Variants in SYT16 observed in about 807,000 individuals in gnomAD.
SYT16 encodes the protein synaptotagmin-16.
SYT16 carries 42 observed loss-of-function variants against 61.4 expected under a neutral mutation model. The observed-to-expected ratio is 0.68, with a 90% CI of 0.53 to 0.89. The LOEUF (loss-of-function observed/expected upper bound fraction) is 0.89, where lower values mean the gene tolerates loss of function less well. Among genes scored for constraint, SYT16 ranks in the 40% least tolerant of loss-of-function variants. SYT16 has a pLI of 0.00. For synonymous variants in SYT16, 314 were observed against 302.3 expected (o/e 1.04, Z -0.40); for missense variants, 804 against 807.3 (o/e 1.00, Z 0.05).
intron 3 of SYT16, among the ~76,000 whole-genome samples, chr14:62,001,731 G>C (rs2053025441): frequency 1.3e-5 from 2 of 152,028 alleles, no homozygotes; most frequent in African/African-American, 4.8e-5. Flanking sequence ...ACAAATATTA[G>C]ATTGGTATTA....
intron 1 of SYT16, among the ~76,000 whole-genome samples, chr14:61,899,829 C>T (rs547498091): frequency 6.6e-6 from 1 of 152,140 alleles, no homozygotes; most frequent in Admixed American, 6.5e-5. Flanking sequence ...GCTATGGTAC[C>T]GATGAGGGAA....
chr14:61,928,313 C>T (rs1024843522), intron 1 of SYT16, among the ~76,000 whole-genome samples: 2 of 152,244 alleles, frequency 1.3e-5, no homozygotes, highest in Non-Finnish European at 2.9e-5. Context: ...GGGGCACTTA[C>T]TTAAAGAAAG....
At chr14:61,952,618 A>G (rs1475043300) in intron 1 of SYT16, among the ~76,000 whole-genome samples, 3 of 152,212 alleles carry the variant, frequency 2.0e-5, no homozygotes, top group Admixed American at 6.5e-5. Context: ...TTCAACACAC[A>G]TATTTTATTA....
intron 2 of SYT16, among the ~76,000 whole-genome samples, chr14:61,978,250 C>G (rs1254174489): frequency 6.6e-6 from 1 of 152,128 alleles, no homozygotes; most frequent in Non-Finnish European, 1.5e-5. Context: ...AGGTGGAAGC[C>G]CAACTTGGCA....
chr14:61,988,217 G>T (rs1216518998), intron 2 of SYT16, among the ~76,000 whole-genome samples: 1 of 152,024 alleles, frequency 6.6e-6, no homozygotes, highest in Non-Finnish European at 1.5e-5. Context: ...CCTCATTTTG[G>T]TTGGGGTTTT....
chr14:62,086,162 G>A lies in SYT16; in HGVS notation c.1624+1777G>A, dbSNP rs368712121. 2.6e-5 allele frequency among the ~76,000 whole-genome samples: 4 copies of A among 152,222 alleles called. No homozygotes were observed. The South Asian group carries it at 6.2e-4, about 24-fold the overall frequency. On this transcript the variant is annotated intron_variant, in intron 7 of 7. Coordinates refer to ENST00000683842, the MANE Select transcript of SYT16 (RefSeq NM_001367656.1). ...CCAACAAACCAAGGTGTGAATTCAG[G>A]CTCTGCCACTTATTATAATAGTTGT...
intron 3 of SYT16, among the ~76,000 whole-genome samples, chr14:62,004,085 C>T (rs1401644008): frequency 6.6e-6 from 1 of 152,142 alleles, no homozygotes. Flanking sequence ...TCCATTTTCA[C>T]ACTGCTATAA....
rs151204545 is a variant in SYT16, at chr14:61,976,149, G to A, written c.-145+5838G>A. On this transcript the variant is annotated intron_variant, in intron 2 of 7. Transcript: ENST00000683842. ...ATGGTTTCCTTTGACTCCATGTCTC[G>A]CATCCAGGTCATGCTGATGCAAGAG... is the stretch of plus-strand genomic sequence containing the variant. Among the ~76,000 whole-genome samples, 792 of 152,264 alleles carry A rather than the reference G, an allele frequency of 5.2e-3. 26 individuals carry two copies. Among genetic ancestry groups the A allele is most frequent in the Admixed American group, 0.047 (727 of 15,306 alleles).
intron 1 of SYT16, among the ~76,000 whole-genome samples, chr14:61,889,821 G>C (rs984443812): frequency 6.6e-6 from 1 of 151,804 alleles, no homozygotes; most frequent in Non-Finnish European, 1.5e-5. Context: ...AAATTACCCA[G>C]CCTCAGCATT....
At position 62,106,729 on chromosome 14, in the gene SYT16, C is replaced by T. The variant is rs538940829; in HGVS notation, c.*6022C>T. 1 of 152,072 alleles carries T rather than the reference C, an allele frequency of 6.6e-6. No individual in the cohort carries two copies. The highest frequency in any genetic ancestry group is 6.5e-5 in the Admixed American group (1 of 15,274). 9.4% of individuals were successfully genotyped at this position (152,072 alleles called of 1,614,324 possible). A position where few individuals can be genotyped will look rare whatever the true frequency, so the allele number is the denominator to read the frequency against. On this transcript the variant is annotated 3_prime_UTR_variant, in exon 8 of 8. Transcript: ENST00000683842. ...TGCAGGCTCAGGGGGAGTTTCCTCTCCTATGGTGCTTTGACTGTTTTTGTT... is the reference window on the plus strand; with the variant it reads ...TGCAGGCTCAGGGGGAGTTTCCTCTTCTATGGTGCTTTGACTGTTTTTGTT...
intron 1 of SYT16, among the ~76,000 whole-genome samples, chr14:61,851,548 T>C (rs1594758199): frequency 6.6e-6 from 1 of 152,164 alleles, no homozygotes; most frequent in East Asian, 1.9e-4. Context: ...GCATCCCTTT[T>C]CCTCCACAAC....
At chr14:62,033,214 A>T (rs1195440698) in intron 3 of SYT16, among the ~76,000 whole-genome samples, 5 of 78,736 alleles carry the variant, frequency 6.4e-5, no homozygotes, top group Non-Finnish European at 1.2e-4. Context: ...GCTATTTTAT[A>T]AATCAAAATA....
chr14:62,000,099 A>ATTTTTTTTTTTTTTTTTTTTTTTTT, intron 3 of SYT16, among the ~76,000 whole-genome samples: 7 of 18,958 alleles, frequency 3.7e-4, no homozygotes, highest in Non-Finnish European at 5.0e-4. Context: ...TTGTCTCTCG[A>ATTTTTTTTTTTTTTTTTTTTTTTTT]TTTTTTTTTT....
At chr14:61,873,293 A>G (rs1213484124) in intron 1 of SYT16, among the ~76,000 whole-genome samples, 6 of 152,218 alleles carry the variant, frequency 3.9e-5, no homozygotes, top group Admixed American at 6.5e-5. Flanking sequence ...CTGAAGAGAA[A>G]CCACCATGTC....
intron 3 of SYT16, among the ~76,000 whole-genome samples, chr14:62,035,039 T>C (rs1033814097): frequency 6.6e-6 from 1 of 152,196 alleles, no homozygotes; most frequent in Non-Finnish European, 1.5e-5. Flanking sequence ...AGTATTGTCT[T>C]TGAAGTGACC....
At chr14:61,942,765 C>T (rs1289893825) in intron 1 of SYT16, among the ~76,000 whole-genome samples, 1 of 152,052 alleles carries the variant, frequency 6.6e-6, no homozygotes, top group African/African-American at 2.4e-5. Context: ...TGTTTGTGTT[C>T]TAGGGTATTC....
At chr14:61,939,418 C>A in intron 1 of SYT16, among the ~76,000 whole-genome samples, 1 of 152,316 alleles carries the variant, frequency 6.6e-6, no homozygotes, top group East Asian at 1.9e-4. Context: ...CCACCAACTG[C>A]AAAGCTTCAA....
intron 3 of SYT16, among the ~76,000 whole-genome samples, chr14:62,013,449 G>A (rs1184647837): frequency 1.3e-5 from 2 of 152,178 alleles, no homozygotes; most frequent in East Asian, 1.9e-4. Flanking sequence ...TTCCTAGGTC[G>A]AGTTTAAGGA....
Position 61,996,157 on chromosome 14 carries a change from C to T in SYT16, c.138C>T (p.Asp46=). 6.2e-7 allele frequency: 1 copy of T among 1,613,396 alleles called. No individual in the cohort carries two copies. Among genetic ancestry groups the T allele is most frequent in the South Asian group, 1.1e-5 (1 of 91,062 alleles). ...SASLVNISKQ[D]SKLSDKLDQD... Reference sequence around the variant, plus strand: ...CGCTGGTTAACATAAGCAAACAAGACTCTAAATTGAGTGACAAACTAGATC... The same window carrying T: ...CGCTGGTTAACATAAGCAAACAAGATTCTAAATTGAGTGACAAACTAGATC... Residue 46 remains aspartate (D), a synonymous_variant, in exon 3 of 8, where the codon GAC becomes GAT. Coordinates refer to ENST00000683842, the MANE Select transcript of SYT16 (RefSeq NM_001367656.1).
Sources: allele counts gnomAD v4.1 joint callset (sites outside exome capture counted in the v4.1 genomes callset), GRCh38; gene constraint gnomAD v4.1.1; transcripts MANE v1.5; gene names NCBI Gene and HGNC (gene_info 2026-07-23, HGNC 2026-07-21).